UBXN11: variants seen among roughly 807,000 people sequenced by gnomAD.
UBXN11 encodes UBX domain-containing protein 11.
UBXN11 carries 47 observed loss-of-function variants against 62.8 expected under a neutral mutation model. The ratio of observed to expected loss-of-function variants is 0.75; its 90% CI spans 0.59 to 0.95. UBXN11 has a LOEUF of 0.95. Among genes scored for constraint, UBXN11 ranks in the 40% least tolerant of loss-of-function variants. The probability of loss-of-function intolerance (pLI) is 0.00; values close to 1 mark genes in which losing one functional copy is unlikely to be tolerated. For missense variants in UBXN11, 638 were observed against 661.7 expected (o/e 0.96, Z 0.39); for synonymous variants, 294 against 267.0 (o/e 1.10, Z -0.99).
intron 1 of UBXN11, among the ~76,000 whole-genome samples, chr1:26,312,260 C>CA (rs1043484521): frequency 4.6e-5 from 7 of 151,296 alleles, no homozygotes. Context: ...TATAGCATTT[C>CA]TTTTTTTTTG....
chr1:26,297,931 G>A, intron 5 of UBXN11, 31 bp downstream of exon 5: 1 of 1,607,796 alleles, frequency 6.2e-7, no homozygotes, highest in Non-Finnish European at 8.5e-7. Context: ...TCTCAGACCG[G>A]CCCCTGGCCC....
At chr1:26,284,517 C>T in intron 10 of UBXN11, 35 bp from the exon 11 acceptor site, 1 of 1,562,404 alleles carries the variant, frequency 6.4e-7, no homozygotes, top group Non-Finnish European at 8.7e-7. Context: ...GGCAGCGGAC[C>T]CAGCTCTTCA....
Position 26,282,352 on chromosome 1 carries a change from C to CGGGACTGGGGCCGGGACCGGGACT in UBXN11, c.1509_1510insAGTCCCGGTCCCGGCCCCAGTCCC (p.Pro503_Gly504insSerProGlyProGlyProSerPro). On this transcript the variant is annotated inframe_insertion, in exon 15 of 15. Coordinates refer to ENST00000374222, the MANE Select transcript of UBXN11 (RefSeq NM_001389556.1). ...CAGGGACTGGGGCCGGGACCGGGACCGGGACTGGGGCCGGGACCGGGACCG... is the reference window on the plus strand; with the variant it reads ...CAGGGACTGGGGCCGGGACCGGGACCGGGACTGGGGCCGGGACCGGGACTGGGACTGGGGCCGGGACCGGGACCG... 1 of 271,640 alleles carries CGGGACTGGGGCCGGGACCGGGACT rather than the reference C, an allele frequency of 3.7e-6. No individual in the cohort carries two copies. The highest frequency in any genetic ancestry group is 6.8e-5 in the East Asian group (1 of 14,788). 16.8% of individuals were successfully genotyped at this position (271,640 alleles called of 1,614,324 possible). A position where few individuals can be genotyped will look rare whatever the true frequency, so the allele number is the denominator to read the frequency against.
At chr1:26,291,538 G>A (rs559566561) in intron 8 of UBXN11, among the ~76,000 whole-genome samples, 1 of 152,276 alleles carries the variant, frequency 6.6e-6, no homozygotes, top group South Asian at 2.1e-4. Flanking sequence ...GGAATCCACA[G>A]AGCCAGGTCC....
At chr1:26,285,395 C>G (rs1195731203) in intron 10 of UBXN11, 69 bp downstream of exon 10, 1 of 1,570,918 alleles carries the variant, frequency 6.4e-7, no homozygotes, top group Non-Finnish European at 8.6e-7. Flanking sequence ...TGGGAGGTGT[C>G]TGGGGAGGCT....
In UBXN11 at chr1:26,285,818, C is replaced by T. The variant is rs2073119073; in HGVS notation, c.774+5G>A. ...GAGCACCACCCCCCCCAACACCGCT[C>T]CTACCTGTGTGGAGGGATCGTAGAA... On this transcript the variant is annotated splice_donor_5th_base_variant and intron_variant, in intron 9 of 14. Transcript: ENST00000374222. 6.3e-7 allele frequency: 1 copy of T among 1,595,738 alleles called. No individual in the cohort carries two copies. Among genetic ancestry groups the T allele is most frequent in the African/African-American group, 1.3e-5 (1 of 74,754 alleles).
intron 8 of UBXN11, among the ~76,000 whole-genome samples, chr1:26,291,374 G>A (rs1003930279): frequency 4.6e-5 from 7 of 152,168 alleles, no homozygotes; most frequent in African/African-American, 1.2e-4. Context: ...AAGGCCCCCC[G>A]CCCATGCTGA....
In UBXN11 at chr1:26,285,483, G is replaced by A. The variant is rs1242650331; in HGVS notation, c.833C>T (p.Pro278Leu). 1 of 1,607,604 alleles carries A rather than the reference G, an allele frequency of 6.2e-7. No individual in the cohort carries two copies. Among genetic ancestry groups the A allele is most frequent in the South Asian group, 1.1e-5 (1 of 90,544 alleles). Residue 278 changes from proline (P) to leucine (L), a missense_variant, in exon 10 of 15, where the codon CCC becomes CTC. By Grantham distance (98) the Pro-to-Leu change is moderately conservative (BLOSUM62 -3). Transcript: ENST00000374222. ...TATCACCTTAAAGGGGACCCCATTGGGGTACAGTCGCTGGAGCTCTGAGGG... is the reference window on the plus strand; with the variant it reads ...TATCACCTTAAAGGGGACCCCATTGAGGTACAGTCGCTGGAGCTCTGAGGG... ...FFPSELQRLY[P>L]NGVPFKVSDL...
At chr1:26,318,054 C>G in exon 1 of UBXN11, 1 of 1,614,156 alleles carries the variant, frequency 6.2e-7, no homozygotes, top group Non-Finnish European at 8.5e-7. Flanking sequence ...CACCATCAGC[C>G]TCCTGGTTAT....
At chr1:26,315,715 A>G (rs1343833429) in intron 1 of UBXN11, among the ~76,000 whole-genome samples, 1 of 152,110 alleles carries the variant, frequency 6.6e-6, no homozygotes, top group Non-Finnish European at 1.5e-5. Flanking sequence ...GCTGGAGTGC[A>G]ATGGCACGAT....
intron 1 of UBXN11, among the ~76,000 whole-genome samples, chr1:26,314,976 G>A (rs2073778486): frequency 6.6e-6 from 1 of 152,160 alleles, no homozygotes; most frequent in African/African-American, 2.4e-5. Context: ...AGGTACTTAG[G>A]AGGATGAGGC....
chr1:26,296,912 C>G lies in UBXN11; in HGVS notation c.432+7G>C. The G allele has an allele frequency of 3.1e-6, 5 of 1,601,336 alleles. No homozygotes were observed. Among genetic ancestry groups the G allele is most frequent in the Admixed American group, 1.7e-5 (1 of 58,526 alleles). ...TGCCCGCATCCCCCGGGGCCCAGCT[C>G]TCTCACCTCCATCTCCCTGACCTGC... is the stretch of plus-strand genomic sequence containing the variant. On this transcript the variant is annotated splice_region_variant and intron_variant, in intron 7 of 14. Transcript: ENST00000374222.
chr1:26,308,820 T>G (rs1014196143), upstream of UBXN11, among the ~76,000 whole-genome samples: 1 of 151,696 alleles, frequency 6.6e-6, no homozygotes, highest in Non-Finnish European at 1.5e-5. Context: ...ATTTACCCCA[T>G]CCCTTCTTCC....
At chr1:26,297,622 G>T in intron 5 of UBXN11, 141 bp from the exon 6 acceptor site, 2 of 1,068,568 alleles carry the variant, frequency 1.9e-6, no homozygotes, top group Non-Finnish European at 2.6e-6. Flanking sequence ...ACTTCTCCCG[G>T]ACCTCAGATA....
chr1:26,294,265 T>C lies in UBXN11; in HGVS notation c.499A>G (p.Lys167Glu). 6.2e-7 allele frequency: 1 copy of C among 1,614,208 alleles called. No individual in the cohort carries two copies. Among genetic ancestry groups the C allele is most frequent in the African/African-American group, 1.3e-5 (1 of 75,064 alleles). ...CTCTCGCCATGCTCTGAGACTGTCT[T>C]GCTCTCTGAGTCCTCCTGGTCCATG... The part of the protein sequence containing the change: ...EPMDQEDSES[K>E]TVSEHGERDW... The change falls in exon 8 of 15, where the codon AAG (lysine) becomes GAG (glutamate). Residue 167 changes from lysine (K) to glutamate (E), a missense_variant. Lys to Glu is a moderately conservative substitution (Grantham distance 56, BLOSUM62 1). Coordinates refer to ENST00000374222, the MANE Select transcript of UBXN11 (RefSeq NM_001389556.1).
chr1:26,308,935 ATTTTTTTTT>A (rs57323315), upstream of UBXN11, among the ~76,000 whole-genome samples: 1 of 108,272 alleles, frequency 9.2e-6, no homozygotes, highest in African/African-American at 3.6e-5. Context: ...CAGTCGTTTG[ATTTTTTTTT>A]TTTTTTTTTT....
intron 7 of UBXN11, 77 bp from the exon 8 acceptor site, chr1:26,294,408 C>T (rs2073346720): frequency 5.1e-6 from 8 of 1,568,466 alleles, no homozygotes; most frequent in Non-Finnish European, 6.9e-6. Context: ...CAGCCCAAAG[C>T]CCAGCCTCAG....
intron 8 of UBXN11, among the ~76,000 whole-genome samples, chr1:26,287,762 A>T (rs2073165455): frequency 6.6e-6 from 1 of 152,100 alleles, no homozygotes; most frequent in Middle Eastern, 3.2e-3. Flanking sequence ...GGGGCTCCCC[A>T]CATAGTCCCT....
chr1:26,317,905 C>G, intron 1 of UBXN11: 1 of 900,154 alleles, frequency 1.1e-6, no homozygotes, highest in Non-Finnish European at 1.8e-6. Flanking sequence ...CCCTACCTCA[C>G]CCCGCCTCCT....
Sources: gnomAD v4.1 joint callset for allele counts (sites outside exome capture counted in the v4.1 genomes callset) on GRCh38, gnomAD v4.1.1 for gene constraint, MANE v1.5 for transcripts, NCBI Gene and HGNC (gene_info 2026-07-23, HGNC 2026-07-21) for gene names.